The following MAGI1 variants were observed in gnomAD, a reference collection of about 807,000 sequenced individuals.
MAGI1 encodes the protein membrane associated guanylate kinase, WW and PDZ domain containing 1.
Under a neutral mutation model 139.9 loss-of-function variants are expected in MAGI1, and 58 were observed. The ratio of observed to expected loss-of-function variants is 0.41; its 90% confidence interval spans 0.34 to 0.52. The LOEUF (loss-of-function observed/expected upper bound fraction) is 0.52. Ranked by LOEUF, MAGI1 falls within the 20% of genes least tolerant of loss-of-function variation. MAGI1 has a pLI of 0.12. For synonymous variants in MAGI1, 812 were observed against 737.9 expected (o/e 1.10, Z -1.63); for missense variants, 1,874 against 1,901.6 (o/e 0.99, Z 0.27).
chr3:65,787,470 GC>G (rs2039475989), intron 1 of MAGI1, among the ~76,000 whole-genome samples: 1 of 151,104 alleles, frequency 6.6e-6, no homozygotes, highest in South Asian at 2.1e-4. Context: ...TAAATAGAAT[GC>G]CAAAACACAT....
intron 2 of MAGI1, among the ~76,000 whole-genome samples, chr3:65,509,572 C>T (rs1186864056): frequency 6.6e-6 from 1 of 152,204 alleles, no homozygotes; most frequent in African/African-American, 2.4e-5. Flanking sequence ...GGGTCACTCC[C>T]ACCCGAATAT....
intron 1 of MAGI1, among the ~76,000 whole-genome samples, chr3:65,695,035 T>C (rs2107583524): frequency 6.6e-6 from 1 of 152,262 alleles, no homozygotes; most frequent in South Asian, 2.1e-4. Context: ...TGGGCATTTA[T>C]TACCAAAAAT....
At chr3:65,674,819 C>G (rs1273359103) in intron 1 of MAGI1, among the ~76,000 whole-genome samples, 3 of 152,140 alleles carry the variant, frequency 2.0e-5, no homozygotes, top group Non-Finnish European at 4.4e-5. Context: ...AGGGCTTAAT[C>G]AATTACAGAT....
chr3:65,400,490 C>T (rs1465931110), intron 13 of MAGI1, among the ~76,000 whole-genome samples: 6 of 152,078 alleles, frequency 3.9e-5, no homozygotes, highest in Admixed American at 6.6e-5. Context: ...TTCCCTCCCC[C>T]AAATCTTCTA....
intron 1 of MAGI1, among the ~76,000 whole-genome samples, chr3:65,786,368 A>G (rs1234438762): frequency 6.6e-6 from 1 of 151,152 alleles, no homozygotes; most frequent in Non-Finnish European, 1.5e-5. Context: ...ATGCAATGAC[A>G]TGATCACAGC....
intron 10 of MAGI1, among the ~76,000 whole-genome samples, chr3:65,433,307 G>C (rs1947599438): frequency 6.6e-6 from 1 of 152,010 alleles, no homozygotes; most frequent in Admixed American, 6.6e-5. Context: ...GTGAAAATGT[G>C]CCTGGCAGTT....
At chr3:65,596,942 T>C (rs1052378744) in intron 2 of MAGI1, among the ~76,000 whole-genome samples, 13 of 152,164 alleles carry the variant, frequency 8.5e-5, no homozygotes, top group African/African-American at 2.2e-4. Context: ...TTCTTCCTTT[T>C]AGAAATAGGA....
At chr3:65,775,505 A>G (rs9879913) in intron 1 of MAGI1, among the ~76,000 whole-genome samples, 150 of 38,780 alleles carry the variant, frequency 3.9e-3, no homozygotes, top group African/African-American at 0.017. Context: ...ACTCTGCCAA[A>G]AAAAAAAAAA....
intron 2 of MAGI1, among the ~76,000 whole-genome samples, chr3:65,565,526 G>C (rs2080575007): frequency 6.6e-6 from 1 of 152,128 alleles, no homozygotes; most frequent in South Asian, 2.1e-4. Flanking sequence ...CAGTATGACA[G>C]TGTGGCTCAG....
In MAGI1 at chr3:65,388,164, T is replaced by C. The variant is rs181455720; in HGVS notation, c.2416+2978A>G. 2.4e-3 allele frequency among the ~76,000 whole-genome samples: 369 copies of C among 152,324 alleles called. 6 individuals carry two copies. The highest frequency in any genetic ancestry group is 3.1e-3 in the South Asian group (15 of 4,826). Reference sequence around the variant, plus strand: ...CCTTCAAAAGGATTCATGAACACATTTGTAATTCAGACTGATTCATTCTAA... The same window carrying C: ...CCTTCAAAAGGATTCATGAACACATCTGTAATTCAGACTGATTCATTCTAA... On this transcript the variant is annotated intron_variant, in intron 14 of 22. Transcript: ENST00000402939.
chr3:65,679,880 A>G lies in MAGI1; in HGVS notation c.314-57792T>C, dbSNP rs144135732. 2.1e-3 allele frequency among the ~76,000 whole-genome samples: 321 copies of G among 152,338 alleles called. 1 individual carries two copies. The highest frequency in any genetic ancestry group is 7.5e-3 in the African/African-American group (313 of 41,582). ...AACAGTACTCTCGGTCTTGCATGCC[A>G]ATATGGCCTAGTTTCCATGAAGCTG... On this transcript the variant is annotated intron_variant, in intron 1 of 22. Transcript: ENST00000402939.
intron 1 of MAGI1, among the ~76,000 whole-genome samples, chr3:65,809,834 T>C (rs1015180642): frequency 5.3e-5 from 8 of 152,172 alleles, no homozygotes; most frequent in African/African-American, 1.2e-4. Flanking sequence ...AGTTCCTCTT[T>C]CTACAGGAGC....
intron 1 of MAGI1, among the ~76,000 whole-genome samples, chr3:65,636,927 C>T (rs758450761): frequency 1.3e-5 from 2 of 152,220 alleles, no homozygotes; most frequent in Non-Finnish European, 2.9e-5. Context: ...CCCCTCAGCA[C>T]AAAGGCTTCA....
intron 1 of MAGI1, among the ~76,000 whole-genome samples, chr3:65,731,548 G>C (rs1281875095): frequency 6.6e-6 from 1 of 151,608 alleles, no homozygotes; most frequent in Non-Finnish European, 1.5e-5. Flanking sequence ...CCAGCTACTG[G>C]GGCGGCTGAG....
chr3:65,359,637 C>A, intron 22 of MAGI1: 3 of 991,530 alleles, frequency 3.0e-6, no homozygotes, highest in Non-Finnish European at 3.6e-6. Flanking sequence ...ATATTATAAC[C>A]CATTTGTGAC....
At chr3:65,929,625 G>A (rs2062697691) in intron 1 of MAGI1, among the ~76,000 whole-genome samples, 1 of 152,090 alleles carries the variant, frequency 6.6e-6, no homozygotes, top group African/African-American at 2.4e-5. Flanking sequence ...GAGCCACCGC[G>A]CCCAGCCAAG....
chr3:65,382,174 G>A, intron 15 of MAGI1, 105 bp from the exon 16 acceptor site: 1 of 946,576 alleles, frequency 1.1e-6, no homozygotes, highest in Non-Finnish European at 1.6e-6. Context: ...ATGTCTGCAG[G>A]CATGCCGCAA....
intron 1 of MAGI1, among the ~76,000 whole-genome samples, chr3:65,927,591 G>GT (rs918241225): frequency 2.6e-5 from 4 of 152,144 alleles, no homozygotes; most frequent in Non-Finnish European, 4.4e-5. Flanking sequence ...GCTTCTGTAG[G>GT]TTTTTTACAT....
chr3:65,419,667 T>A (rs777331158), intron 12 of MAGI1, among the ~76,000 whole-genome samples: 17 of 152,136 alleles, frequency 1.1e-4, no homozygotes, highest in Non-Finnish European at 2.4e-4. Context: ...TACCTGTTTC[T>A]ACCCTAGGAT....
Sources: gnomAD v4.1 joint callset for allele counts (sites outside exome capture counted in the v4.1 genomes callset) on GRCh38, gnomAD v4.1.1 for gene constraint, MANE v1.5 for transcripts, NCBI Gene and HGNC (gene_info 2026-07-23, HGNC 2026-07-21) for gene names.